Variants in PDZRN4 observed in about 807,000 individuals in gnomAD.
PDZRN4 encodes the protein PDZ domain-containing RING finger protein 4.
In PDZRN4, 70 loss-of-function variants were observed where a neutral mutation model predicts 99.0. That is an observed-to-expected ratio of 0.71 (90% CI 0.58 to 0.86). PDZRN4 has a LOEUF of 0.86. PDZRN4 is among the 40% of genes least tolerant of loss of function. The pLI, the probability that PDZRN4 is intolerant of heterozygous loss-of-function variation, is 0.00. For synonymous variants in PDZRN4, 551 were observed against 501.6 expected, an observed-to-expected ratio of 1.10 and a Z score of -1.32; for missense variants, 1,474 against 1,331.2, an observed-to-expected ratio of 1.11 and a Z score of -1.67.
At chr12:41,462,768 A>G (rs377218061) in intron 3 of PDZRN4, among the ~76,000 whole-genome samples, 3 of 143,290 alleles carry the variant, frequency 2.1e-5, no homozygotes, top group East Asian at 2.0e-4. Context: ...ACAATTATGT[A>G]TCAGTAATTC....
In PDZRN4 at chr12:41,563,763, T is replaced by C. The variant is rs1592114611; in HGVS notation, c.1467+114T>C. ...TCTGCTATTCTCTATCAAATCATTA[T>C]CACGGTTATCTCTCCCCATATAACC... On this transcript the variant is annotated intron_variant, in intron 8 of 9. Coordinates refer to ENST00000402685, the MANE Select transcript of PDZRN4 (RefSeq NM_001164595.2). 4.0e-6 allele frequency: 3 copies of C among 754,736 alleles called. No individual in the cohort carries two copies. In the Admixed American group the frequency reaches 7.6e-5, roughly 19 times the overall value. 46.8% of individuals were successfully genotyped at this position (754,736 alleles called of 1,614,324 possible). A position where few individuals can be genotyped will look rare whatever the true frequency, so the allele number is the denominator to read the frequency against.
At chr12:41,363,354 C>G (rs1275954068) in intron 3 of PDZRN4, among the ~76,000 whole-genome samples, 1 of 151,970 alleles carries the variant, frequency 6.6e-6, no homozygotes, top group African/African-American at 2.4e-5. Context: ...AATAGGCTTA[C>G]TATGAAATAT....
intron 9 of PDZRN4, among the ~76,000 whole-genome samples, chr12:41,571,777 C>T (rs996514231): frequency 6.6e-6 from 1 of 152,168 alleles, no homozygotes; most frequent in African/African-American, 2.4e-5. Context: ...TAACCTGAAT[C>T]CTTTTGGAAT....
At chr12:41,445,666 T>C (rs1389027525) in intron 3 of PDZRN4, among the ~76,000 whole-genome samples, 1 of 120,436 alleles carries the variant, frequency 8.3e-6, no homozygotes, top group Non-Finnish European at 1.7e-5. Context: ...ACTCTTGACA[T>C]GTTTATAATT....
chr12:41,264,089 GA>G (rs938132231), intron 3 of PDZRN4, among the ~76,000 whole-genome samples: 198 of 152,208 alleles, frequency 1.3e-3, no homozygotes, highest in African/African-American at 4.5e-3. Flanking sequence ...TAAGGAAAGA[GA>G]AAAAACCTAT....
chr12:41,294,378 G>A (rs1951476477), intron 3 of PDZRN4, among the ~76,000 whole-genome samples: 1 of 152,200 alleles, frequency 6.6e-6, no homozygotes, highest in South Asian at 2.1e-4. Context: ...ACACTGACTT[G>A]CCTCTTTCTT....
At chr12:41,568,323 T>C (rs1368299315) in intron 9 of PDZRN4, among the ~76,000 whole-genome samples, 1 of 152,228 alleles carries the variant, frequency 6.6e-6, no homozygotes, top group African/African-American at 2.4e-5. Context: ...AGGATGAAGA[T>C]GACATGATGT....
intron 3 of PDZRN4, among the ~76,000 whole-genome samples, chr12:41,445,858 T>A (rs886791606): frequency 7.9e-5 from 12 of 152,110 alleles, no homozygotes; most frequent in Non-Finnish European, 1.6e-4. Context: ...GTAGCAATCA[T>A]GTCTTCAGAT....
intron 3 of PDZRN4, among the ~76,000 whole-genome samples, chr12:41,309,698 A>G (rs1268739527): frequency 2.0e-5 from 3 of 152,162 alleles, no homozygotes; most frequent in Non-Finnish European, 4.4e-5. Flanking sequence ...AAATAAATAA[A>G]TAAGAAAAAG....
chr12:41,523,453 AG>A (rs1446741865), intron 5 of PDZRN4, among the ~76,000 whole-genome samples: 2 of 152,158 alleles, frequency 1.3e-5, no homozygotes, highest in African/African-American at 4.8e-5. Flanking sequence ...TAGTGAGCTC[AG>A]TGGAGTTCAG....
intron 3 of PDZRN4, among the ~76,000 whole-genome samples, chr12:41,317,652 AT>A (rs1951647551): frequency 6.6e-6 from 1 of 152,188 alleles, no homozygotes; most frequent in Non-Finnish European, 1.5e-5. Flanking sequence ...GCTCATAATG[AT>A]ATAATTAGTA....
intron 3 of PDZRN4, among the ~76,000 whole-genome samples, chr12:41,427,224 C>T (rs1448743557): frequency 6.6e-6 from 1 of 152,160 alleles, no homozygotes; most frequent in Non-Finnish European, 1.5e-5. Context: ...TCCATCTAGA[C>T]ATTTGCCAAA....
intron 3 of PDZRN4, among the ~76,000 whole-genome samples, chr12:41,241,562 C>A (rs966827536): frequency 6.6e-6 from 1 of 151,078 alleles, no homozygotes; most frequent in East Asian, 1.9e-4. Context: ...GTTCCCTCAT[C>A]TATAAAATGG....
chr12:41,571,364 TCTCTCTCTCTCTCA>T (rs1381594884), intron 9 of PDZRN4, among the ~76,000 whole-genome samples: 12 of 97,818 alleles, frequency 1.2e-4, no homozygotes, highest in African/African-American at 5.8e-4. Context: ...TCTCTCTCTC[TCTCTCTCTCTCTCA>T]CACACACACA....
chr12:41,451,906 A>G (rs917326924), intron 3 of PDZRN4, among the ~76,000 whole-genome samples: 11 of 152,122 alleles, frequency 7.2e-5, no homozygotes, highest in African/African-American at 2.4e-5. Flanking sequence ...CTGGATTCTC[A>G]CTTTGAAGTT....
chr12:41,266,107 C>T (rs1951274630), intron 3 of PDZRN4, among the ~76,000 whole-genome samples: 1 of 63,082 alleles, frequency 1.6e-5, no homozygotes, highest in African/African-American at 5.1e-5. Context: ...GTCAGGAGAT[C>T]GAGACCATCC....
At chr12:41,336,781 G>A (rs1951778390) in intron 3 of PDZRN4, among the ~76,000 whole-genome samples, 1 of 152,058 alleles carries the variant, frequency 6.6e-6, no homozygotes, top group Non-Finnish European at 1.5e-5. Flanking sequence ...GAATCATGGG[G>A]GTCGCTGTGA....
At chr12:41,406,616 C>T (rs1277945489) in intron 3 of PDZRN4, among the ~76,000 whole-genome samples, 2 of 151,916 alleles carry the variant, frequency 1.3e-5, no homozygotes, top group South Asian at 2.1e-4. Flanking sequence ...AATTCAGGCC[C>T]GGCACGGTGG....
Position 41,543,135 on chromosome 12 carries a change from C to A in PDZRN4, c.1204-9521C>A, listed in dbSNP as rs549528812. Among the ~76,000 whole-genome samples the A allele has an allele frequency of 2.0e-5, 3 of 152,280 alleles. No homozygotes were observed. The East Asian group carries it at 5.8e-4, about 29-fold the overall frequency. On this transcript the variant is annotated intron_variant, in intron 5 of 9. Transcript: ENST00000402685. The stretch of plus-strand genomic sequence containing the variant: ...TTCTCACCCTCCATGTAAACAGTAG[C>A]TTCTCTCTGGAGCATCCCCTCTTGT...
Sources: allele counts gnomAD v4.1 joint callset (sites outside exome capture counted in the v4.1 genomes callset), GRCh38; gene constraint gnomAD v4.1.1; transcripts MANE v1.5; gene names NCBI Gene and HGNC (gene_info 2026-07-23, HGNC 2026-07-21).